Variants in SLC2A2 observed in about 807,000 individuals in gnomAD.
SLC2A2 encodes solute carrier family 2, facilitated glucose transporter member 2.
A neutral mutation model predicts 54.5 loss-of-function variants in SLC2A2; 36 were observed. The ratio of observed to expected loss-of-function variants is 0.66; its 90% CI spans 0.51 to 0.87. The LOEUF (loss-of-function observed/expected upper bound fraction) is 0.87, where lower values mean the gene tolerates loss of function less well. SLC2A2 is among the 40% of genes least tolerant of loss of function. SLC2A2 has a pLI of 0.00. For missense variants in SLC2A2, 543 were observed against 624.3 expected (o/e 0.87, Z 1.39); for synonymous variants, 223 against 219.1 (o/e 1.02, Z -0.16).
intron 8 of SLC2A2, among the ~76,000 whole-genome samples, chr3:171,002,369 A>C (rs1715379440): frequency 6.6e-6 from 1 of 152,044 alleles, no homozygotes; most frequent in Admixed American, 6.6e-5. Context: ...CAGTGCAGAG[A>C]ATCAGCGATT....
chr3:171,023,939 GC>G (rs1013542100), intron 1 of SLC2A2, among the ~76,000 whole-genome samples: 1 of 152,150 alleles, frequency 6.6e-6, no homozygotes, highest in African/African-American at 2.4e-5. Flanking sequence ...AAAATATGCT[GC>G]TGGATAAATG....
Position 170,997,711 on chromosome 3 carries a change from C to A in SLC2A2, c.*192G>T. The A allele has an allele frequency of 1.7e-6, 1 of 604,288 alleles. No homozygotes were observed. 37.4% of individuals were successfully genotyped at this position (604,288 alleles called of 1,614,324 possible). ...CCTTTTTGGTTTACTTAATTACAGT[C>A]TTACCATCAAAAATATATTCTCTAA... On this transcript the variant is annotated 3_prime_UTR_variant, in exon 11 of 11. Transcript: ENST00000314251.
At position 171,006,120 on chromosome 3, in the gene SLC2A2, AG is replaced by A; in HGVS notation, c.613-16del. ...AGACCAATAATCTGAAAATGCAAGG[AG>A]GAAGTATATCAACTACATAATACTT... is the stretch of plus-strand genomic sequence containing the variant. On this transcript the variant is annotated splice_polypyrimidine_tract_variant and intron_variant, in intron 5 of 10. Transcript: ENST00000314251. The A allele has an allele frequency of 6.2e-7, 1 of 1,608,546 alleles. No homozygotes were observed. The highest frequency in any genetic ancestry group is 8.5e-7 in the Non-Finnish European group (1 of 1,175,636).
At chr3:171,012,790 T>A (rs1321078631) in intron 3 of SLC2A2, among the ~76,000 whole-genome samples, 1 of 152,170 alleles carries the variant, frequency 6.6e-6, no homozygotes, top group Non-Finnish European at 1.5e-5. Context: ...ACTTTTGGGC[T>A]GCTTTTCAAG....
intron 3 of SLC2A2, among the ~76,000 whole-genome samples, chr3:171,012,529 T>A (rs1715941279): frequency 6.6e-6 from 1 of 152,156 alleles, no homozygotes; most frequent in Admixed American, 6.6e-5. Context: ...TTGGAAAAAT[T>A]GGCCTTGCAA....
chr3:170,998,384 A>G lies in SLC2A2; in HGVS notation c.1183T>C (p.Trp395Arg). ...GCTATCATGCTCACATAACTCATCC[A>G]AGAGAACTTATTCTGAGGAAAAAAA... ...VGLVLLNKFS[W>R]MSYVSMIAIF... The change falls in exon 10 of 11, where the codon TGG becomes CGG. Residue 395 changes from tryptophan to arginine, a missense_variant. Transcript: ENST00000314251. 6.2e-7 allele frequency: 1 copy of G among 1,613,490 alleles called. No homozygotes were observed. The highest frequency in any genetic ancestry group is 8.5e-7 in the Non-Finnish European group (1 of 1,179,634).
chr3:171,010,007 T>G lies in SLC2A2; in HGVS notation c.447A>C (p.Pro149=), dbSNP rs1193135645. The change falls in exon 4 of 11, where the codon CCA becomes CCC. Residue 149 remains proline, a synonymous_variant. Transcript: ENST00000314251. The stretch of plus-strand genomic sequence containing the variant: ...TTCCAGCAATTATAAGTATATGAGA[T>G]GGTCCCAATTTTGAAAACCCCATCA... ...ALLMGFSKLG[P]SHILIIAGRS... 3 of 1,611,968 alleles carry G rather than the reference T, an allele frequency of 1.9e-6. No individual in the cohort carries two copies. Among genetic ancestry groups the G allele is most frequent in the Non-Finnish European group, 2.5e-6 (3 of 1,179,048 alleles).
chr3:171,017,572 T>C (rs556877661), intron 2 of SLC2A2, among the ~76,000 whole-genome samples: 1 of 152,330 alleles, frequency 6.6e-6, no homozygotes, highest in South Asian at 2.1e-4. Flanking sequence ...GTACCTTCAC[T>C]TTATGCCACC....
At chr3:171,009,872 C>T in intron 4 of SLC2A2, 86 bp downstream of exon 4, 1 of 1,505,484 alleles carries the variant, frequency 6.6e-7, no homozygotes, top group East Asian at 2.5e-5. Flanking sequence ...TCCCTGAGTG[C>T]TACCACATCC....
intron 3 of SLC2A2, among the ~76,000 whole-genome samples, chr3:171,013,574 A>G (rs962071069): frequency 6.6e-6 from 1 of 152,170 alleles, no homozygotes; most frequent in African/African-American, 2.4e-5. Context: ...ATTATAATTT[A>G]TAATAGGAAT....
chr3:171,025,077 C>CA (rs2108267833), intron 1 of SLC2A2, among the ~76,000 whole-genome samples: 1 of 152,112 alleles, frequency 6.6e-6, no homozygotes, highest in South Asian at 2.1e-4. Context: ...TGAATTTTGC[C>CA]AAATCTACAT....
Position 171,007,202 on chromosome 3 carries a change from TC to T in SLC2A2, c.557del (p.Gly186GlufsTer65), listed in dbSNP as rs771799491. The T allele has an allele frequency of 1.2e-6, 2 of 1,612,730 alleles. No individual in the cohort carries two copies. Among genetic ancestry groups the T allele is most frequent in the African/African-American group, 2.7e-5 (2 of 74,906 alleles). ...CCAGCTGATGAAAAGTGCCAAGTGC[TC>T]CCCTGAGAGCGGTTGGAGCAATTTC... ...IGEIAPTALR[G>X]ALGTFHQLAI... On this transcript the variant is annotated frameshift_variant, in exon 5 of 11. Transcript: ENST00000314251. LOFTEE classifies it high-confidence loss of function.
At chr3:171,016,635 A>T (rs1016058452) in intron 2 of SLC2A2, among the ~76,000 whole-genome samples, 2 of 141,454 alleles carry the variant, frequency 1.4e-5, no homozygotes, top group Non-Finnish European at 3.0e-5. Flanking sequence ...AATGTCATTC[A>T]GCTGATTAAA....
At chr3:171,007,323 T>C in intron 4 of SLC2A2, 60 bp from the exon 5 acceptor site, 1 of 1,051,724 alleles carries the variant, frequency 9.5e-7, no homozygotes, top group Non-Finnish European at 1.5e-6. Flanking sequence ...ATAATAACAA[T>C]TTGGTTTAAG....
intron 5 of SLC2A2, among the ~76,000 whole-genome samples, chr3:171,006,539 C>G (rs911773725): frequency 6.6e-6 from 1 of 151,842 alleles, no homozygotes; most frequent in Non-Finnish European, 1.5e-5. Flanking sequence ...CTTATATTAC[C>G]CAGAACTTAT....
intron 8 of SLC2A2, among the ~76,000 whole-genome samples, chr3:171,000,165 T>G (rs899867187): frequency 6.6e-6 from 1 of 151,638 alleles, no homozygotes; most frequent in Non-Finnish European, 1.5e-5. Context: ...AGCCTGTTTC[T>G]CAGAGGCACA....
intron 1 of SLC2A2, among the ~76,000 whole-genome samples, chr3:171,019,122 TAC>T (rs1188524485): frequency 4.8e-3 from 28 of 5,868 alleles, no homozygotes; most frequent in South Asian, 0.013. Flanking sequence ...TATATATATA[TAC>T]GTATGTATAT....
chr3:171,000,207 A>G (rs11924648), intron 8 of SLC2A2, among the ~76,000 whole-genome samples: 32,072 of 152,018 alleles, frequency 0.21, 4,686 homozygotes, highest in African/African-American at 0.42. Context: ...ACTTCAGATA[A>G]GATGATAAGC....
Position 170,997,927 on chromosome 3 carries a change from G to A in SLC2A2, c.1551C>T (p.Phe517=). The A allele has an allele frequency of 1.2e-6, 2 of 1,613,192 alleles. No homozygotes were observed. Among genetic ancestry groups the A allele is most frequent in the Non-Finnish European group, 1.7e-6 (2 of 1,179,556 alleles). Residue 517 remains phenylalanine (F), a synonymous_variant, in exon 11 of 11, where the codon TTC becomes TTT. Transcript: ENST00000314251. ...TTTACACAGTCTCTGTAGCTCCTAG[G>A]AATTTCATTTCTACAGCAGCTTTTG... The part of the protein sequence containing the change: ...HRPKAAVEMK[F]LGATETV
Sources: gnomAD v4.1 joint callset for allele counts (sites outside exome capture counted in the v4.1 genomes callset) on GRCh38, gnomAD v4.1.1 for gene constraint, MANE v1.5 for transcripts, NCBI Gene and HGNC (gene_info 2026-07-23, HGNC 2026-07-21) for gene names.